Variants in VCL observed in about 807,000 individuals in gnomAD.
VCL encodes the protein epididymis luminal protein 114.
A neutral mutation model predicts 125.7 loss-of-function variants in VCL; 47 were observed. That is an observed-to-expected ratio of 0.37 (90% CI 0.30 to 0.48). The LOEUF is 0.48. Among genes scored for constraint, VCL ranks in the 20% least tolerant of loss-of-function variants. The pLI, the probability that VCL is intolerant of heterozygous loss-of-function variation, is 0.99. For missense variants in VCL, 1,069 were observed against 1,455.5 expected (o/e 0.73, Z 4.32); for synonymous variants, 458 against 514.6 (o/e 0.89, Z 1.49).
At chr10:74,022,057 C>T (rs1435982312) in intron 1 of VCL, among the ~76,000 whole-genome samples, 1 of 152,076 alleles carries the variant, frequency 6.6e-6, no homozygotes, top group African/African-American at 2.4e-5. Context: ...AATTTAAATT[C>T]CTTATTCTAG....
At chr10:74,078,391 C>G (rs1370992415) in intron 6 of VCL, among the ~76,000 whole-genome samples, 1 of 151,736 alleles carries the variant, frequency 6.6e-6, no homozygotes, top group Non-Finnish European at 1.5e-5. Flanking sequence ...TACTTGCAGA[C>G]CACTGGGATT....
In VCL at chr10:74,070,662, C is replaced by G; in HGVS notation, c.240-8C>G. The G allele has an allele frequency of 6.2e-7, 1 of 1,613,962 alleles. No homozygotes were observed. Among genetic ancestry groups the G allele is most frequent in the Non-Finnish European group, 8.5e-7 (1 of 1,180,004 alleles). On this transcript the variant is annotated splice_polypyrimidine_tract_variant and splice_region_variant and intron_variant, in intron 2 of 21. Transcript: ENST00000211998. The stretch of plus-strand genomic sequence containing the variant: ...TGCCGGTGTGTTAACCTGTGTTCTT[C>G]CCTATAGGGTTGAGAATGCTTGCAC...
At chr10:74,028,696 A>C (rs1157270659) in intron 1 of VCL, among the ~76,000 whole-genome samples, 1 of 149,178 alleles carries the variant, frequency 6.7e-6, no homozygotes, top group Non-Finnish European at 1.5e-5. Context: ...GGCGCCTGGC[A>C]AGTAATCTTT....
chr10:74,009,390 C>G (rs1163471471), intron 1 of VCL, among the ~76,000 whole-genome samples: 3 of 151,994 alleles, frequency 2.0e-5, no homozygotes, highest in African/African-American at 7.3e-5. Flanking sequence ...TCCCGAGTAG[C>G]TGGGACTACA....
Position 74,058,582 on chromosome 10 carries a change from C to T in VCL, c.240-12088C>T, listed in dbSNP as rs937597346. 3.3e-5 allele frequency among the ~76,000 whole-genome samples: 5 copies of T among 151,814 alleles called. No homozygotes were observed. The South Asian group carries it at 1.0e-3, about 32-fold the overall frequency. ...TGTGATATGAGTTACTTCCACTCCT[C>T]CCCAACTTTTTTTTTTTTTTGGTGG... On this transcript the variant is annotated intron_variant, in intron 2 of 21. Coordinates refer to ENST00000211998, the MANE Select transcript of VCL (RefSeq NM_014000.3).
At chr10:74,041,893 ACT>A (rs1841101183) in intron 1 of VCL, among the ~76,000 whole-genome samples, 3 of 152,340 alleles carry the variant, frequency 2.0e-5, no homozygotes, top group South Asian at 2.1e-4. Context: ...ACAGAGTGAG[ACT>A]CTATTTCAAA....
chr10:74,068,681 G>A (rs1406191405), intron 2 of VCL, among the ~76,000 whole-genome samples: 1 of 152,172 alleles, frequency 6.6e-6, no homozygotes, highest in Non-Finnish European at 1.5e-5. Context: ...AATGCAGCGA[G>A]TGACCATATA....
At chr10:74,016,142 CT>C (rs1391077832) in intron 1 of VCL, among the ~76,000 whole-genome samples, 2 of 151,930 alleles carry the variant, frequency 1.3e-5, no homozygotes, top group East Asian at 3.9e-4. Context: ...AAATGACAGT[CT>C]TTTTCCCTTC....
intron 1 of VCL, among the ~76,000 whole-genome samples, chr10:74,032,249 A>AG (rs1046639970): frequency 1.3e-5 from 2 of 150,690 alleles, no homozygotes; most frequent in African/African-American, 4.9e-5. Context: ...ATAAAAAAAA[A>AG]AAAAAAAAAA....
chr10:74,014,373 A>G (rs1840496021), intron 1 of VCL, among the ~76,000 whole-genome samples: 1 of 152,026 alleles, frequency 6.6e-6, no homozygotes. Context: ...CTAGGACTAC[A>G]AGCATGTACA....
intron 13 of VCL, among the ~76,000 whole-genome samples, chr10:74,099,983 T>C (rs1192069679): frequency 1.3e-5 from 2 of 152,206 alleles, no homozygotes; most frequent in Non-Finnish European, 2.9e-5. Flanking sequence ...GAGCCAGAAC[T>C]GATCTCCAAG....
rs374538684 is a variant in VCL, at chr10:74,095,802, G to T, written c.1690G>T (p.Gly564Trp). The change falls in exon 12 of 22, where the codon GGG (glycine) becomes TGG (tryptophan). Residue 564 changes from glycine (G) to tryptophan (W), a missense_variant. By Grantham distance (184) the Gly-to-Trp change is radical. Around this residue, in one of 6 missense-constraint regions of VCL, gnomAD observed 760 missense variants for 928.9 expected, o/e 0.82. Coordinates refer to ENST00000211998, the MANE Select transcript of VCL (RefSeq NM_014000.3). ...GGCTGACCTGGCTGCCAGAGGGGAA[G>T]GGGAGAGTCCTCAGGCACGAGCACT... ...QLADLAARGE[G>W]ESPQARALAS... 2.5e-6 allele frequency: 4 copies of T among 1,614,184 alleles called. No individual in the cohort carries two copies. Among genetic ancestry groups the T allele is most frequent in the Non-Finnish European group, 2.5e-6 (3 of 1,180,048 alleles).
Position 74,089,249 on chromosome 10 carries a change from G to T in VCL, c.1076G>T (p.Gly359Val), listed in dbSNP as rs1474329445. The change falls in exon 9 of 22, where the codon GGT becomes GTT. Residue 359 changes from glycine (G) to valine (V), a missense_variant. This residue lies in a region of VCL where 760 missense variants were observed against 928.9 expected (regional missense o/e 0.82). Coordinates refer to ENST00000211998, the MANE Select transcript of VCL (RefSeq NM_014000.3). ...AMQKAQQVSQ[G>V]LDVLTAKVEN... ...CAGAAAGCTCAGCAGGTATCTCAGG[G>T]TCTGGATGTGCTCACAGCAAAAGTG... 1.2e-6 allele frequency: 2 copies of T among 1,614,140 alleles called. No individual in the cohort carries two copies. Among genetic ancestry groups the T allele is most frequent in the South Asian group, 2.2e-5 (2 of 91,066 alleles).
chr10:74,015,930 C>T (rs1185057883), intron 1 of VCL, among the ~76,000 whole-genome samples: 1 of 152,134 alleles, frequency 6.6e-6, no homozygotes, highest in Non-Finnish European at 1.5e-5. Flanking sequence ...AGTGACCTGC[C>T]CACCTCAGCT....
intron 17 of VCL, among the ~76,000 whole-genome samples, chr10:74,107,786 T>A (rs544022400): frequency 8.2e-4 from 125 of 152,266 alleles, no homozygotes; most frequent in African/African-American, 2.8e-3. Context: ...GACTTTTTTT[T>A]AAGTAACAAG....
intron 1 of VCL, among the ~76,000 whole-genome samples, chr10:74,036,377 A>T (rs1416567034): frequency 6.6e-6 from 1 of 151,700 alleles, no homozygotes; most frequent in Admixed American, 6.6e-5. Flanking sequence ...CAATTTTTAT[A>T]TATTTAGTAG....
At chr10:74,095,920 G>C in intron 12 of VCL, 65 bp downstream of exon 12, 1 of 1,573,060 alleles carries the variant, frequency 6.4e-7, no homozygotes, top group Non-Finnish European at 8.6e-7. Flanking sequence ...ACGAGGGAAG[G>C]AAGAGAGAGT....
intron 10 of VCL, 149 bp from the exon 11 acceptor site, chr10:74,094,122 G>A (rs1839929386): frequency 1.2e-6 from 1 of 868,100 alleles, no homozygotes; most frequent in Admixed American, 2.8e-5. Flanking sequence ...TCTTATGTAA[G>A]GGCCAAATAA....
chr10:74,002,390 G>T (rs1056201531), intron 1 of VCL, among the ~76,000 whole-genome samples: 5 of 152,134 alleles, frequency 3.3e-5, no homozygotes, highest in South Asian at 4.2e-4. Flanking sequence ...CTCCCAAAGT[G>T]CTGGGATTAC....
Sources: allele counts gnomAD v4.1 joint callset (sites outside exome capture counted in the v4.1 genomes callset), GRCh38; gene constraint gnomAD v4.1.1; regional missense constraint gnomAD v4.1.1; transcripts MANE v1.5; gene names NCBI Gene and HGNC (gene_info 2026-07-23, HGNC 2026-07-21).